The following ENOX1 variants were observed in gnomAD, a reference collection of about 807,000 sequenced individuals.
ENOX1 encodes candidate growth-related and time keeping constitutive hydroquinone (NADH) oxidase.
In ENOX1, 42 loss-of-function variants were observed where a neutral mutation model predicts 82.5. The ratio of observed to expected loss-of-function variants is 0.51; its 90% CI spans 0.40 to 0.66. The LOEUF is 0.66. ENOX1 is among the 30% of genes least tolerant of loss of function. The probability of loss-of-function intolerance (pLI) is 0.00; values close to 1 mark genes in which losing one functional copy is unlikely to be tolerated. For missense variants in ENOX1, 608 were observed against 811.6 expected, an observed-to-expected ratio of 0.75 and a Z score of 3.05; for synonymous variants, 271 against 282.2, an observed-to-expected ratio of 0.96 and a Z score of 0.40.
At chr13:43,330,206 T>C (rs1258529088) in intron 9 of ENOX1, among the ~76,000 whole-genome samples, 1 of 152,204 alleles carries the variant, frequency 6.6e-6, no homozygotes, top group African/African-American at 2.4e-5. Context: ...TTCAAAACTT[T>C]GCTTCTCAGA....
At chr13:43,664,030 T>G (rs190526113) in intron 2 of ENOX1, among the ~76,000 whole-genome samples, 1 of 152,176 alleles carries the variant, frequency 6.6e-6, no homozygotes, top group Non-Finnish European at 1.5e-5. Flanking sequence ...TTTTAACTGA[T>G]TTGTGTACAA....
At chr13:43,687,716 C>T (rs1180670813) in intron 1 of ENOX1, among the ~76,000 whole-genome samples, 11 of 152,086 alleles carry the variant, frequency 7.2e-5, no homozygotes, top group African/African-American at 1.9e-4. Flanking sequence ...TCAGTACATC[C>T]GTGGCCCTTC....
chr13:43,351,454 T>A (rs2049790551), intron 8 of ENOX1, among the ~76,000 whole-genome samples: 1 of 150,624 alleles, frequency 6.6e-6, no homozygotes, highest in Non-Finnish European at 1.5e-5. Context: ...ACTTTAAGTT[T>A]TAGGGTACAT....
rs374815709 is a variant in ENOX1, at chr13:43,611,341, T to C, written c.-219+56138A>G. On this transcript the variant is annotated intron_variant, in intron 2 of 16. Transcript: ENST00000690772. Reference sequence around the variant, plus strand: ...TTGGTGTACATATTTAAATGTTAAATATATACTGAAGGGTTTGAAGCAAGG... The same window carrying C: ...TTGGTGTACATATTTAAATGTTAAACATATACTGAAGGGTTTGAAGCAAGG... 1.9e-3 allele frequency among the ~76,000 whole-genome samples: 284 copies of C among 152,302 alleles called. 1 individual carries two copies. The highest frequency in any genetic ancestry group is 5.6e-3 in the African/African-American group (234 of 41,564).
At chr13:43,775,439 G>T (rs1951857624) in intron 1 of ENOX1, among the ~76,000 whole-genome samples, 1 of 152,170 alleles carries the variant, frequency 6.6e-6, no homozygotes, top group South Asian at 2.1e-4. Flanking sequence ...ACCTCACCTA[G>T]CCCAAAGGTG....
In ENOX1 at chr13:43,470,323, T is replaced by C. The variant is rs1249053047; in HGVS notation, c.-75+13686A>G. 6.7e-5 allele frequency among the ~76,000 whole-genome samples: 3 copies of C among 44,606 alleles called. 1 individual carries two copies. The East Asian group carries it at 1.1e-3, about 17-fold the overall frequency. 29.3% of individuals were successfully genotyped at this position (44,606 alleles called of 152,430 possible). On this transcript the variant is annotated intron_variant, in intron 3 of 16. Coordinates refer to ENST00000690772, the MANE Select transcript of ENOX1 (RefSeq NM_001347969.2). ...ATATATATACATATATATACACATA[T>C]ATATATGTATATATATACGTATATA...
intron 14 of ENOX1, among the ~76,000 whole-genome samples, chr13:43,258,592 C>T (rs1370917544): frequency 6.6e-6 from 1 of 152,086 alleles, no homozygotes; most frequent in African/African-American, 2.4e-5. Flanking sequence ...AAATATTAGT[C>T]CACGAAAAAT....
At chr13:43,461,926 A>C (rs2057504340) in intron 3 of ENOX1, among the ~76,000 whole-genome samples, 1 of 152,210 alleles carries the variant, frequency 6.6e-6, no homozygotes, top group African/African-American at 2.4e-5. Context: ...AAAGAGGATT[A>C]GACTGACCAA....
chr13:43,435,302 G>T (rs763311489), intron 3 of ENOX1, among the ~76,000 whole-genome samples: 11 of 152,150 alleles, frequency 7.2e-5, no homozygotes, highest in Non-Finnish European at 1.6e-4. Context: ...GGGTAGTGTG[G>T]CCTGTTGGTC....
chr13:43,449,046 T>C (rs924335899), intron 3 of ENOX1, among the ~76,000 whole-genome samples: 3 of 152,208 alleles, frequency 2.0e-5, no homozygotes, highest in African/African-American at 7.2e-5. Context: ...TGAATGAAGA[T>C]GGGCCTTGCC....
chr13:43,297,687 G>A (rs1042885613), intron 12 of ENOX1, among the ~76,000 whole-genome samples: 7 of 152,000 alleles, frequency 4.6e-5, no homozygotes, highest in Admixed American at 2.6e-4. Flanking sequence ...CTACTCCAAA[G>A]CCCTCAACTT....
At chr13:43,588,512 G>A (rs1236661076) in intron 2 of ENOX1, among the ~76,000 whole-genome samples, 1 of 152,154 alleles carries the variant, frequency 6.6e-6, no homozygotes, top group Non-Finnish European at 1.5e-5. Flanking sequence ...ACCCTGTAAT[G>A]TGGACCAGTA....
At chr13:43,639,571 T>C (rs116999102) in intron 2 of ENOX1, among the ~76,000 whole-genome samples, 317 of 152,320 alleles carry the variant, frequency 2.1e-3, no homozygotes, top group Middle Eastern at 0.01. Context: ...CACTTAATTA[T>C]TGGAGTTGAC....
At chr13:43,492,110 C>T (rs1295355536) in intron 2 of ENOX1, among the ~76,000 whole-genome samples, 1 of 152,164 alleles carries the variant, frequency 6.6e-6, no homozygotes, top group Non-Finnish European at 1.5e-5. Context: ...TGTGAACCAC[C>T]CTATGGCGAG....
rs866710199 is a variant in ENOX1 at position 43,247,859 on chromosome 13, A to G, written c.1612-11121T>C. ...TATATATATATATATATATATATATATATATATATATATATATATATATAT... is the reference window on the plus strand; with the variant it reads ...TATATATATATATATATATATATATGTATATATATATATATATATATATAT... On this transcript the variant is annotated intron_variant, in intron 14 of 16. Transcript: ENST00000690772. 4.5e-3 allele frequency among the ~76,000 whole-genome samples: 8 copies of G among 1,764 alleles called. 1 individual carries two copies. The highest frequency in any genetic ancestry group is 0.013 in the African/African-American group (8 of 626). 1.2% of individuals were successfully genotyped at this position (1,764 alleles called of 152,430 possible). A position where few individuals can be genotyped will look rare whatever the true frequency, so the allele number is the denominator to read the frequency against.
At chr13:43,222,305 G>A (rs528605438) in intron 16 of ENOX1, among the ~76,000 whole-genome samples, 10 of 150,504 alleles carry the variant, frequency 6.6e-5, no homozygotes, top group Admixed American at 3.3e-4. Context: ...GCTTCTACCC[G>A]CCACCCCCTC....
At chr13:43,783,621 T>C (rs1036830799) in intron 1 of ENOX1, among the ~76,000 whole-genome samples, 3 of 152,178 alleles carry the variant, frequency 2.0e-5, no homozygotes, top group African/African-American at 7.2e-5. Context: ...TTAGGTATTA[T>C]AGAAAACTCA....
chr13:43,515,584 T>A (rs1323615677), intron 2 of ENOX1, among the ~76,000 whole-genome samples: 3 of 152,188 alleles, frequency 2.0e-5, no homozygotes, highest in Non-Finnish European at 2.9e-5. Context: ...ATACTCATGT[T>A]ATAGATAAGG....
intron 3 of ENOX1, among the ~76,000 whole-genome samples, chr13:43,477,864 T>C (rs2153653378): frequency 6.6e-6 from 1 of 152,254 alleles, no homozygotes; most frequent in South Asian, 2.1e-4. Context: ...TTGCAATTAA[T>C]ATTACTTTTT....
Sources: gnomAD v4.1 joint callset for allele counts (sites outside exome capture counted in the v4.1 genomes callset) on GRCh38, gnomAD v4.1.1 for gene constraint, MANE v1.5 for transcripts, NCBI Gene and HGNC (gene_info 2026-07-23, HGNC 2026-07-21) for gene names.